THSD7B: variants seen among roughly 807,000 people sequenced by gnomAD.
The protein encoded by THSD7B is thrombospondin type 1 domain containing 7B.
Under a neutral mutation model 213.6 loss-of-function variants are expected in THSD7B, and 138 were observed. That is an observed-to-expected ratio of 0.65 (90% CI 0.56 to 0.74). THSD7B has a LOEUF of 0.74. THSD7B is among the 30% of genes least tolerant of loss of function. THSD7B has a pLI of 0.00. For synonymous variants in THSD7B, 742 were observed against 687.0 expected, an observed-to-expected ratio of 1.08 and a Z score of -1.25; for missense variants, 1,931 against 1,991.5, an observed-to-expected ratio of 0.97 and a Z score of 0.58.
intron 1 of THSD7B, among the ~76,000 whole-genome samples, chr2:136,872,292 C>A (rs567971134): frequency 5.0e-4 from 75 of 149,974 alleles, no homozygotes; most frequent in African/African-American, 1.8e-3. Context: ...TGGCACATAT[C>A]CCCATGGCTT....
intron 16 of THSD7B, among the ~76,000 whole-genome samples, chr2:137,566,794 C>T (rs1031344125): frequency 6.6e-6 from 1 of 151,954 alleles, no homozygotes; most frequent in Non-Finnish European, 1.5e-5. Context: ...AAAAAATGAA[C>T]ACATAAATTA....
chr2:136,940,940 T>A (rs1684816484), intron 2 of THSD7B, among the ~76,000 whole-genome samples: 1 of 151,606 alleles, frequency 6.6e-6, no homozygotes, highest in Non-Finnish European at 1.5e-5. Context: ...TGTGCTATGT[T>A]GGTTTGTTGC....
chr2:137,099,621 G>A (rs1333483364), intron 4 of THSD7B, among the ~76,000 whole-genome samples: 2 of 152,094 alleles, frequency 1.3e-5, no homozygotes, highest in African/African-American at 2.4e-5. Flanking sequence ...CAACTCCTAC[G>A]ACCCCACTGG....
chr2:137,274,694 C>T (rs1025038499), intron 11 of THSD7B, among the ~76,000 whole-genome samples: 28 of 152,000 alleles, frequency 1.8e-4, no homozygotes, highest in African/African-American at 6.3e-4. Context: ...TCTGTATAAA[C>T]TCAATTTAAG....
intron 15 of THSD7B, among the ~76,000 whole-genome samples, chr2:137,474,048 G>A (rs1380903481): frequency 6.6e-6 from 1 of 152,080 alleles, no homozygotes; most frequent in African/African-American, 2.4e-5. Context: ...AATCCCTTTG[G>A]CCAAGACTTT....
intron 2 of THSD7B, among the ~76,000 whole-genome samples, chr2:136,937,563 A>T (rs896880028): frequency 1.6e-4 from 24 of 152,296 alleles, no homozygotes; most frequent in Middle Eastern, 6.8e-3. Context: ...TAATTTCAGG[A>T]TGCTTGACCC....
rs552585679 is a variant in THSD7B, at chr2:137,067,951, G to A, written c.950+10721G>A. On this transcript the variant is annotated intron_variant, in intron 3 of 27. Coordinates refer to ENST00000409968, the MANE Select transcript of THSD7B (RefSeq NM_001316349.2). ...CCCACTAGAACTGGGCTCCCTTAAA[G>A]TTTTTAACTATAAAGATTGTAGACA... Among the ~76,000 whole-genome samples the A allele has an allele frequency of 1.8e-4, 28 of 152,126 alleles. No individual in the cohort carries two copies. In the South Asian group the frequency reaches 4.4e-3, roughly 24 times the overall value.
At chr2:136,825,196 A>G (rs1423424935) in intron 1 of THSD7B, among the ~76,000 whole-genome samples, 1 of 152,228 alleles carries the variant, frequency 6.6e-6, no homozygotes, top group Non-Finnish European at 1.5e-5. Context: ...GACAAAATAG[A>G]AAGGGAAACA....
rs189078383 is a variant in THSD7B at position 137,388,703 on chromosome 2, C to T, written c.2501-16910C>T. On this transcript the variant is annotated intron_variant, in intron 12 of 27. Transcript: ENST00000409968. Reference sequence around the variant, plus strand: ...ATCCTTCTCATCCTCTGGTAACTCTCATTCTACTGCATACCTCCATAAGAT... The same window carrying T: ...ATCCTTCTCATCCTCTGGTAACTCTTATTCTACTGCATACCTCCATAAGAT... 3.5e-3 allele frequency among the ~76,000 whole-genome samples: 530 copies of T among 152,188 alleles called. 3 individuals carry two copies. Among genetic ancestry groups the T allele is most frequent in the African/African-American group, 0.012 (496 of 41,542 alleles).
intron 2 of THSD7B, among the ~76,000 whole-genome samples, chr2:136,950,837 GGTT>G (rs1685025182): frequency 6.6e-6 from 1 of 152,168 alleles, no homozygotes; most frequent in Non-Finnish European, 1.5e-5. Flanking sequence ...GTTGGCCCAT[GGTT>G]GTGCGTGGCA....
intron 7 of THSD7B, among the ~76,000 whole-genome samples, chr2:137,220,066 T>A (rs1051844094): frequency 6.6e-6 from 1 of 152,180 alleles, no homozygotes; most frequent in African/African-American, 2.4e-5. Flanking sequence ...AATACAGAAG[T>A]TTCAACTCTC....
intron 17 of THSD7B, among the ~76,000 whole-genome samples, chr2:137,607,803 C>T (rs1682211935): frequency 6.6e-6 from 1 of 152,136 alleles, no homozygotes; most frequent in Non-Finnish European, 1.5e-5. Context: ...GTTCCAAAAC[C>T]TTTGACTGGA....
chr2:136,766,767 T>A (rs12477662), intron 1 of THSD7B, among the ~76,000 whole-genome samples: 5,728 of 152,308 alleles, frequency 0.038, 200 homozygotes, highest in East Asian at 0.17. Context: ...TGGCATATTC[T>A]ACGGAAGATA....
At chr2:137,394,169 G>A (rs1318162342) in intron 12 of THSD7B, among the ~76,000 whole-genome samples, 9 of 108,984 alleles carry the variant, frequency 8.3e-5, no homozygotes, top group African/African-American at 2.9e-4. Context: ...AGTTTAATTA[G>A]ATCCCATTTG....
rs533272371 is a variant in THSD7B at position 137,582,894 on chromosome 2, A to G, written c.3423+10338A>G. 4.6e-5 allele frequency among the ~76,000 whole-genome samples: 7 copies of G among 152,312 alleles called. No homozygotes were observed. In the East Asian group the frequency reaches 1.4e-3, roughly 29 times the overall value. ...TGGGTCAAACTGTATTTCTAGTTCT[A>G]GATCCCTGAGGAATCACCACACTCT... On this transcript the variant is annotated intron_variant, in intron 17 of 27. Coordinates refer to ENST00000409968, the MANE Select transcript of THSD7B (RefSeq NM_001316349.2).
intron 4 of THSD7B, among the ~76,000 whole-genome samples, chr2:137,108,209 G>A (rs529877428): frequency 6.6e-5 from 10 of 152,054 alleles, no homozygotes; most frequent in African/African-American, 9.7e-5. Flanking sequence ...GTGTTGTTCT[G>A]CTTTAAATCT....
chr2:137,231,007 C>T, intron 7 of THSD7B, 37 bp from the exon 8 acceptor site: 1 of 1,591,200 alleles, frequency 6.3e-7, no homozygotes, highest in Non-Finnish European at 8.6e-7. Context: ...CTTGATTGTG[C>T]ATTAATCACC....
Position 137,620,743 on chromosome 2 carries a change from A to G in THSD7B, c.3799+17A>G, listed in dbSNP as rs1470257856. On this transcript the variant is annotated intron_variant, in intron 20 of 27. Coordinates refer to ENST00000409968, the MANE Select transcript of THSD7B (RefSeq NM_001316349.2). ...GCCATGGAGGTATTGGTTTCCCCAT[A>G]TTTCCCACTAACTAGTGTAGGTTTC... is the stretch of plus-strand genomic sequence containing the variant. 6.3e-7 allele frequency: 1 copy of G among 1,588,038 alleles called. No individual in the cohort carries two copies. The highest frequency in any genetic ancestry group is 1.1e-5 in the South Asian group (1 of 90,286).
At chr2:136,826,407 G>T (rs187105165) in intron 1 of THSD7B, among the ~76,000 whole-genome samples, 2 of 152,228 alleles carry the variant, frequency 1.3e-5, no homozygotes, top group African/African-American at 4.8e-5. Context: ...GTGCTGCTCC[G>T]TGCTGAGCCT....
Sources: allele counts gnomAD v4.1 joint callset (sites outside exome capture counted in the v4.1 genomes callset), GRCh38; gene constraint gnomAD v4.1.1; transcripts MANE v1.5; gene names NCBI Gene and HGNC (gene_info 2026-07-23, HGNC 2026-07-21).